Variants in NCKAP5 observed in about 807,000 individuals in gnomAD.
NCKAP5 encodes the protein NCK associated protein 5.
A neutral mutation model predicts 167.0 loss-of-function variants in NCKAP5; 92 were observed. The observed-to-expected ratio is 0.55, with a 90% CI of 0.47 to 0.66. The LOEUF (loss-of-function observed/expected upper bound fraction) is 0.66. Among genes scored for constraint, NCKAP5 ranks in the 30% least tolerant of loss-of-function variants. The pLI, the probability that NCKAP5 is intolerant of heterozygous loss-of-function variation, is 0.00. For missense variants in NCKAP5, 2,378 were observed against 2,315.0 expected, an observed-to-expected ratio of 1.03 and a Z score of -0.56; for synonymous variants, 891 against 877.4, an observed-to-expected ratio of 1.02 and a Z score of -0.27.
At chr2:133,653,999 G>A in the NCKAP5 span, among the ~76,000 whole-genome samples, 3 of 152,076 alleles carry the variant, frequency 2.0e-5, no homozygotes, top group South Asian at 6.2e-4. Context: ...TGAAATATTG[G>A]TGGGGTAAGG....
At chr2:133,503,514 T>C (rs189533176) in intron 3 of NCKAP5, among the ~76,000 whole-genome samples, 6 of 152,258 alleles carry the variant, frequency 3.9e-5, no homozygotes, top group African/African-American at 1.2e-4. Context: ...TAGTTTCTAT[T>C]AGCCAGTTTC....
chr2:133,402,447 T>A (rs1323662432), intron 3 of NCKAP5, among the ~76,000 whole-genome samples: 1 of 152,268 alleles, frequency 6.6e-6, no homozygotes, highest in Admixed American at 6.5e-5. Flanking sequence ...AATAATTTAG[T>A]AACAAAGTAA....
intron 6 of NCKAP5, among the ~76,000 whole-genome samples, chr2:133,038,867 G>A (rs1262395736): frequency 6.6e-6 from 1 of 152,128 alleles, no homozygotes; most frequent in African/African-American, 2.4e-5. Context: ...GAGTATTAGG[G>A]CATGACATGT....
At chr2:133,673,783 T>G in the NCKAP5 span, among the ~76,000 whole-genome samples, 12 of 152,182 alleles carry the variant, frequency 7.9e-5, no homozygotes, top group African/African-American at 2.9e-4. Flanking sequence ...TAAAGCACAT[T>G]TAACTGAGCT....
chr2:132,975,580 A>C (rs542484342), intron 7 of NCKAP5, among the ~76,000 whole-genome samples: 1 of 152,296 alleles, frequency 6.6e-6, no homozygotes, highest in Admixed American at 6.5e-5. Context: ...ATGGTGTGAA[A>C]AGTTCCCCTA....
chr2:133,000,692 T>C (rs908086094), intron 6 of NCKAP5, among the ~76,000 whole-genome samples: 7 of 152,354 alleles, frequency 4.6e-5, no homozygotes, highest in South Asian at 2.1e-4. Context: ...TAGTCTCTTA[T>C]GATGGATTTC....
At chr2:133,600,507 A>G in the NCKAP5 span, among the ~76,000 whole-genome samples, 1 of 152,244 alleles carries the variant, frequency 6.6e-6, no homozygotes, top group Non-Finnish European at 1.5e-5. Context: ...AGAAATGCTC[A>G]CGTGCCCACT....
intron 4 of NCKAP5, among the ~76,000 whole-genome samples, chr2:133,227,486 T>C (rs929992257): frequency 6.6e-6 from 1 of 152,142 alleles, no homozygotes; most frequent in Non-Finnish European, 1.5e-5. Flanking sequence ...CACTTGTGGG[T>C]GTAAGGAGTT....
chr2:133,424,305 G>A (rs1689658464), intron 3 of NCKAP5, among the ~76,000 whole-genome samples: 1 of 152,134 alleles, frequency 6.6e-6, no homozygotes, highest in African/African-American at 2.4e-5. Flanking sequence ...CCCAATCAGT[G>A]TGACTGTCAG....
At chr2:132,790,797 G>A (rs1428590256) in intron 12 of NCKAP5, among the ~76,000 whole-genome samples, 6 of 152,178 alleles carry the variant, frequency 3.9e-5, no homozygotes, top group African/African-American at 1.4e-4. Context: ...CACTAAACGA[G>A]GGTCTAGTTG....
At chr2:133,634,865 C>A in the NCKAP5 span, among the ~76,000 whole-genome samples, 27 of 149,916 alleles carry the variant, frequency 1.8e-4, no homozygotes, top group African/African-American at 6.4e-4. Flanking sequence ...TATTTTCTTT[C>A]TTTTCTTTCT....
At chr2:133,434,231 G>A (rs1315954874) in intron 3 of NCKAP5, among the ~76,000 whole-genome samples, 3 of 152,218 alleles carry the variant, frequency 2.0e-5, no homozygotes, top group African/African-American at 7.2e-5. Flanking sequence ...TTTGCCAGGT[G>A]ATGCTTGATA....
At chr2:133,490,174 C>A (rs1174282532) in intron 3 of NCKAP5, among the ~76,000 whole-genome samples, 1 of 152,198 alleles carries the variant, frequency 6.6e-6, no homozygotes, top group Admixed American at 6.5e-5. Flanking sequence ...CTCTGCCCAG[C>A]ATCAACGGCT....
At chr2:132,870,596 C>CA (rs1690733407) in intron 9 of NCKAP5, among the ~76,000 whole-genome samples, 1 of 151,886 alleles carries the variant, frequency 6.6e-6, no homozygotes, top group Admixed American at 6.6e-5. Flanking sequence ...CACAGTGTGA[C>CA]AAACATCTAA....
chr2:133,041,898 AT>A (rs962423371), intron 6 of NCKAP5, among the ~76,000 whole-genome samples: 5 of 152,254 alleles, frequency 3.3e-5, no homozygotes, highest in South Asian at 4.1e-4. Context: ...TGTTAGAATT[AT>A]TTTTTTCTAT....
chr2:133,560,011 C>T (rs570005663), intron 1 of NCKAP5, among the ~76,000 whole-genome samples: 1 of 152,228 alleles, frequency 6.6e-6, no homozygotes, highest in South Asian at 2.1e-4. Context: ...TGCTCTCATA[C>T]CTATAGAGCC....
At chr2:132,699,085 T>C (rs1687620948) in intron 19 of NCKAP5, among the ~76,000 whole-genome samples, 1 of 152,178 alleles carries the variant, frequency 6.6e-6, no homozygotes. Context: ...ATTATCATCA[T>C]TGTACAGAAG....
intron 16 of NCKAP5, among the ~76,000 whole-genome samples, chr2:132,753,558 C>T (rs908296391): frequency 6.6e-6 from 1 of 152,170 alleles, no homozygotes; most frequent in Non-Finnish European, 1.5e-5. Context: ...TTTTTAAGAA[C>T]TCAGGAGAAT....
In NCKAP5 at chr2:132,949,003, T is replaced by TTAAGAGAAAAGAAAAGAAAA. The variant is rs1553487801; in HGVS notation, c.579+14716_579+14717insTTTTCTTTTCTTTTCTCTTA. 3.8e-5 allele frequency among the ~76,000 whole-genome samples: 5 copies of TTAAGAGAAAAGAAAAGAAAA among 130,226 alleles called. No homozygotes were observed. In the Admixed American group the frequency reaches 4.2e-4, roughly 11 times the overall value. 85.4% of individuals were successfully genotyped at this position (130,226 alleles called of 152,430 possible). ...CAGAAGCAACAAAGATCCAGAGAAA[T>TTAAGAGAAAAGAAAAGAAAA]GAAAAGAAAAGAAAAGAAAAGAAAA... On this transcript the variant is annotated intron_variant, in intron 8 of 19. Transcript: ENST00000409261.
Sources: allele counts gnomAD v4.1 joint callset (sites outside exome capture counted in the v4.1 genomes callset), GRCh38; gene constraint gnomAD v4.1.1; transcripts MANE v1.5; gene names NCBI Gene and HGNC (gene_info 2026-07-23, HGNC 2026-07-21).